The following OR10H1 variants were observed in gnomAD, a reference collection of about 807,000 sequenced individuals.
OR10H1 encodes the protein olfactory receptor 10H1.
Under a neutral mutation model 13.1 loss-of-function variants are expected in OR10H1, and 12 were observed. The observed-to-expected ratio is 0.92, with a 90% confidence interval of 0.59 to 1.48. The LOEUF is 1.48. Among genes scored for constraint, OR10H1 ranks in the 40% most tolerant of loss-of-function variants. The pLI, the probability that OR10H1 is intolerant of heterozygous loss-of-function variation, is 0.00. For synonymous variants in OR10H1, 168 were observed against 175.6 expected (o/e 0.96, Z 0.34); for missense variants, 363 against 413.1 (o/e 0.88, Z 1.05).
chr19:15,806,055 C>A lies in OR10H1; in HGVS notation c.*1026G>T, dbSNP rs779914644. 1.3e-5 allele frequency: 2 copies of A among 152,124 alleles called. No homozygotes were observed. Among genetic ancestry groups the A allele is most frequent in the African/African-American group, 2.4e-5 (1 of 41,414 alleles). The allele number at this position is 152,124 out of a possible 1,614,324, so 9.4% of individuals were successfully genotyped here. On this transcript the variant is annotated 3_prime_UTR_variant, in exon 4 of 4. Transcript: ENST00000641419. ...TCTCCTCTGCTATAATCTGGAGTAG[C>A]CTTACAAAATCTGAGTTGTAGCTAC...
intron 1 of OR10H1, among the ~76,000 whole-genome samples, chr19:15,814,015 G>A (rs1253786026): frequency 1.3e-5 from 2 of 152,190 alleles, no homozygotes; most frequent in South Asian, 2.1e-4. Context: ...AGGGCTAAGC[G>A]TGGCTGTGGA....
chr19:15,814,487 G>GT (rs1258720855), intron 1 of OR10H1, among the ~76,000 whole-genome samples: 46 of 34,396 alleles, frequency 1.3e-3, no homozygotes, highest in African/African-American at 5.1e-3. Context: ...GTGTGAGAGA[G>GT]AGAGAGAGAG....
At position 15,812,412 on chromosome 19, in the gene OR10H1, G is replaced by A. The variant is rs1288395154; in HGVS notation, c.-311C>T. On this transcript the variant is annotated 5_prime_UTR_variant, in exon 2 of 4. Transcript: ENST00000641419. ...GAGGAGGAGGAAAAGAAAGAAAAAA[G>A]GGAGGAAGAAAGAGAGGGAGGGAGG... The A allele has an allele frequency of 1.3e-5, 2 of 151,382 alleles. No homozygotes were observed. Among genetic ancestry groups the A allele is most frequent in the African/African-American group, 2.4e-5 (1 of 41,016 alleles). 9.4% of individuals were successfully genotyped at this position (151,382 alleles called of 1,614,324 possible).
chr19:15,811,179 C>T (rs1030091622), intron 2 of OR10H1, among the ~76,000 whole-genome samples: 2 of 152,152 alleles, frequency 1.3e-5, no homozygotes, highest in African/African-American at 4.8e-5. Flanking sequence ...TCAGTACTTG[C>T]CCGTAGCTCC....
At chr19:15,811,289 G>A (rs1191567443) in intron 2 of OR10H1, among the ~76,000 whole-genome samples, 1 of 152,200 alleles carries the variant, frequency 6.6e-6, no homozygotes, top group Non-Finnish European at 1.5e-5. Flanking sequence ...GAGGCCAAAT[G>A]GGCGAGATTG....
chr19:15,813,768 GGA>G (rs1441556048), intron 1 of OR10H1, among the ~76,000 whole-genome samples: 15 of 142,578 alleles, frequency 1.1e-4, no homozygotes, highest in East Asian at 4.5e-4. Context: ...TGGGAGGTGG[GGA>G]GAGAGAGGGT....
intron 3 of OR10H1, 57 bp from the exon 4 acceptor site, chr19:15,808,105 C>A: frequency 2.1e-6 from 3 of 1,429,324 alleles, no homozygotes. Context: ...AGTTCTCAGC[C>A]TTCCCCATAC....
Position 15,806,024 on chromosome 19 carries a change from C to A in OR10H1, c.*1057G>T, listed in dbSNP as rs1405585284. ...CTGTGCAATGCTGAAATTTAGGGTA[C>A]TTTTCTCTCCTCTGCTATAATCTGG... On this transcript the variant is annotated 3_prime_UTR_variant, in exon 4 of 4. Transcript: ENST00000641419. The A allele has an allele frequency of 1.3e-5, 2 of 152,174 alleles. No individual in the cohort carries two copies. The highest frequency in any genetic ancestry group is 2.9e-5 in the Non-Finnish European group (2 of 68,040). 9.4% of individuals were successfully genotyped at this position (152,174 alleles called of 1,614,324 possible).
intron 2 of OR10H1, among the ~76,000 whole-genome samples, chr19:15,810,546 C>T (rs566615997): frequency 6.6e-6 from 1 of 152,062 alleles, no homozygotes. Flanking sequence ...TATGAATATG[C>T]GTCATCTTTT....
At chr19:15,811,226 C>T (rs1278091797) in intron 2 of OR10H1, among the ~76,000 whole-genome samples, 1 of 152,174 alleles carries the variant, frequency 6.6e-6, no homozygotes, top group Non-Finnish European at 1.5e-5. Context: ...CCATGTCCCG[C>T]CACTCTGAGA....
chr19:15,807,427 C>T lies in OR10H1; in HGVS notation c.611G>A (p.Cys204Tyr), dbSNP rs148566245. 2.2e-5 allele frequency: 35 copies of T among 1,614,106 alleles called. No homozygotes were observed. The highest frequency in any genetic ancestry group is 2.9e-5 in the Non-Finnish European group (34 of 1,180,050). ...AAAACAGCCCAGCAGGGCCGTGATACACACCAAGCCCACGCCTTTGGCCAC... is the reference window on the plus strand; with the variant it reads ...AAAACAGCCCAGCAGGGCCGTGATATACACCAAGCCCACGCCTTTGGCCAC... Reference protein sequence around the residue: ...LVVAKGVGLVCITALLGCFLL... With the variant: ...LVVAKGVGLVYITALLGCFLL... Residue 204 changes from cysteine (C) to tyrosine (Y), a missense_variant, in exon 4 of 4, where the codon TGT (cysteine) becomes TAT (tyrosine). Physicochemically the swap from Cys to Tyr is radical, Grantham distance 194 (BLOSUM62 -2). Around this residue, in one of 3 missense-constraint regions of OR10H1, gnomAD observed 318 missense variants for 366.6 expected, o/e 0.87. Transcript: ENST00000641419.
At chr19:15,808,687 T>C (rs1414550305) in intron 3 of OR10H1, 38 bp downstream of exon 3, 1 of 152,090 alleles carries the variant, frequency 6.6e-6, no homozygotes, top group Admixed American at 6.6e-5. Context: ...CCATCTCTAC[T>C]AAAAATATAA....
chr19:15,815,328 G>A (rs1029249175), intron 1 of OR10H1, among the ~76,000 whole-genome samples: 7 of 140,392 alleles, frequency 5.0e-5, no homozygotes, highest in East Asian at 4.1e-4. Flanking sequence ...GCTACAGAGC[G>A]AGATTCCGTC....
intron 2 of OR10H1, among the ~76,000 whole-genome samples, chr19:15,811,315 G>A (rs763187646): frequency 1.4e-4 from 21 of 152,158 alleles, no homozygotes; most frequent in Non-Finnish European, 2.8e-4. Flanking sequence ...CTGGGGTGGT[G>A]CTCACAAACC....
rs774500008 is a variant in OR10H1 at position 15,807,288 on chromosome 19, G to A, written c.750C>T (p.Val250=). 4.3e-6 allele frequency: 7 copies of A among 1,613,974 alleles called. No individual in the cohort carries two copies. The East Asian group carries it at 8.9e-5, about 21-fold the overall frequency. Residue 250 remains valine, a synonymous_variant, in exon 4 of 4, where the codon GTC becomes GTT. Coordinates refer to ENST00000641419, the MANE Select transcript of OR10H1 (RefSeq NM_013940.4). ...TGACGGAGGCAAAGCCATAGTGCAC[G>A]ACCACCACAGTGAGGTGAGAGGCAC... ...STCASHLTVV[V]VHYGFASVIY...
At position 15,807,441 on chromosome 19, in the gene OR10H1, G is replaced by C; in HGVS notation, c.597C>G (p.Gly199=). ...GGGCCGTGATACACACCAAGCCCAC[G>C]CCTTTGGCCACCACCAGCACATCGT... is the stretch of plus-strand genomic sequence containing the variant. ...CGDDVLVVAK[G]VGLVCITALL... Residue 199 remains glycine, a synonymous_variant, in exon 4 of 4, where the codon GGC becomes GGG. Transcript: ENST00000641419. 1 of 1,614,196 alleles carries C rather than the reference G, an allele frequency of 6.2e-7. No homozygotes were observed. Among genetic ancestry groups the C allele is most frequent in the African/African-American group, 1.3e-5 (1 of 75,042 alleles).
chr19:15,810,790 C>T (rs771070440), intron 2 of OR10H1, among the ~76,000 whole-genome samples: 9 of 151,386 alleles, frequency 5.9e-5, no homozygotes, highest in Non-Finnish European at 1.0e-4. Flanking sequence ...CTTGATGCCA[C>T]TGAATTGTAT....
In OR10H1 at chr19:15,804,997, T is replaced by G. The variant is rs2088887238; in HGVS notation, c.*2084A>C. On this transcript the variant is annotated 3_prime_UTR_variant, in exon 4 of 4. Coordinates refer to ENST00000641419, the MANE Select transcript of OR10H1 (RefSeq NM_013940.4). ...GTGATGACGAGCATTTTTTCATATGTTTTTTGGCTGCATAAATGTCTTCTT... is the reference window on the plus strand; with the variant it reads ...GTGATGACGAGCATTTTTTCATATGGTTTTTGGCTGCATAAATGTCTTCTT... 1 of 152,230 alleles carries G rather than the reference T, an allele frequency of 6.6e-6. No individual in the cohort carries two copies. The highest frequency in any genetic ancestry group is 2.4e-5 in the African/African-American group (1 of 41,446). The allele number at this position is 152,230 out of a possible 1,614,324, so 9.4% of individuals were successfully genotyped here.
At chr19:15,813,859 CAGAG>C (rs759130760) in intron 1 of OR10H1, among the ~76,000 whole-genome samples, 1 of 148,980 alleles carries the variant, frequency 6.7e-6, no homozygotes, top group Non-Finnish European at 1.5e-5. Flanking sequence ...GGAAGAGAAA[CAGAG>C]AGAGGAAAGA....
Sources: allele counts gnomAD v4.1 joint callset (sites outside exome capture counted in the v4.1 genomes callset), GRCh38; gene constraint gnomAD v4.1.1; regional missense constraint gnomAD v4.1.1; transcripts MANE v1.5; gene names NCBI Gene and HGNC (gene_info 2026-07-23, HGNC 2026-07-21).